Variants in MED13L observed in about 807,000 individuals in gnomAD.
MED13L encodes the protein mediator complex subunit 13L, also known as mediator of RNA polymerase II transcription subunit 13-like.
MED13L carries 7 observed loss-of-function variants against 220.9 expected under a neutral mutation model. That is an observed-to-expected ratio of 0.03 (90% confidence interval 0.02 to 0.06). The LOEUF (loss-of-function observed/expected upper bound fraction) is 0.06, where lower values mean the gene tolerates loss of function less well. Ranked by LOEUF, MED13L falls within the 10% of genes least tolerant of loss-of-function variation. The probability of loss-of-function intolerance (pLI) is 1.00; values close to 1 mark genes in which losing one functional copy is unlikely to be tolerated. For synonymous variants in MED13L, 1,011 were observed against 1,015.2 expected (o/e 1.00, Z 0.08); for missense variants, 1,965 against 2,760.5 (o/e 0.71, Z 6.46).
chr12:116,066,631 C>T (rs1165042738), intron 4 of MED13L, among the ~76,000 whole-genome samples: 3 of 152,012 alleles, frequency 2.0e-5, no homozygotes, highest in Non-Finnish European at 4.4e-5. Flanking sequence ...GTATGAGAAT[C>T]CTGTAACACT....
intron 2 of MED13L, among the ~76,000 whole-genome samples, chr12:116,229,377 A>C (rs374126910): frequency 6.6e-6 from 1 of 152,238 alleles, no homozygotes; most frequent in Non-Finnish European, 1.5e-5. Flanking sequence ...AGGTGATTTC[A>C]TATCAACGCA....
Position 116,007,645 on chromosome 12 carries a change from CAAAAAAAAAAAA to C in MED13L, c.2013-21_2013-10del. 4 of 759,922 alleles carry C rather than the reference CAAAAAAAAAAAA, an allele frequency of 5.3e-6. No homozygotes were observed. Among genetic ancestry groups the C allele is most frequent in the Middle Eastern group, 8.6e-4 (2 of 2,314 alleles). The allele number at this position is 759,922 out of a possible 1,614,324, so 47.1% of individuals were successfully genotyped here. On this transcript the variant is annotated splice_polypyrimidine_tract_variant and intron_variant, in intron 10 of 30. Coordinates refer to ENST00000281928, the MANE Select transcript of MED13L (RefSeq NM_015335.5). ...TAGGTTGTGCTAAGAGTCTAAAAGA[CAAAAAAAAAAAA>C]AAAAAAAAGAGCATTTATGCCTTAA... is the stretch of plus-strand genomic sequence containing the variant.
At chr12:116,111,991 C>G (rs1362834416) in intron 2 of MED13L, among the ~76,000 whole-genome samples, 1 of 152,120 alleles carries the variant, frequency 6.6e-6, no homozygotes, top group East Asian at 1.9e-4. Context: ...TTTTGAAGGT[C>G]TAAAGGACAT....
At position 116,008,502 on chromosome 12, in the gene MED13L, A is replaced by G. The variant is rs1484395273; in HGVS notation, c.1911T>C (p.Arg637=). Reference sequence around the variant, plus strand: ...ACTCAGCATCATCACTGGGTGGGAGACGATAACTATGCCACCACTTTTCTG... The same window carrying G: ...ACTCAGCATCATCACTGGGTGGGAGGCGATAACTATGCCACCACTTTTCTG... ...ESSEKWWHSY[R]LPPSDDAEFR... is the part of the protein sequence containing the mutation. The change falls in exon 10 of 31, where the codon CGT becomes CGC. Residue 637 remains arginine, a synonymous_variant. Coordinates refer to ENST00000281928, the MANE Select transcript of MED13L (RefSeq NM_015335.5). 14 of 1,613,638 alleles carry G rather than the reference A, an allele frequency of 8.7e-6. No homozygotes were observed. Among genetic ancestry groups the G allele is most frequent in the Non-Finnish European group, 1.2e-5 (14 of 1,179,990 alleles).
intron 2 of MED13L, among the ~76,000 whole-genome samples, chr12:116,113,036 A>C (rs1874212371): frequency 1.3e-5 from 2 of 152,368 alleles, no homozygotes; most frequent in Admixed American, 1.3e-4. Flanking sequence ...GAGCTCCTTT[A>C]AACTTATTGA....
intron 2 of MED13L, among the ~76,000 whole-genome samples, chr12:116,122,530 G>T (rs1875191378): frequency 6.6e-6 from 1 of 152,166 alleles, no homozygotes. Flanking sequence ...ACAAATCTAT[G>T]TTGGAAATGG....
chr12:116,053,590 T>A (rs1013105227), intron 4 of MED13L, among the ~76,000 whole-genome samples: 2 of 152,106 alleles, frequency 1.3e-5, no homozygotes, highest in Non-Finnish European at 2.9e-5. Context: ...TCACAACAAC[T>A]CTAAGGTAGG....
intron 4 of MED13L, among the ~76,000 whole-genome samples, chr12:116,031,675 A>AAAAAGAAAAGAAAAGAAAAGAAAAG (rs1173196797): frequency 1.5e-4 from 10 of 68,138 alleles, no homozygotes; most frequent in Admixed American, 3.4e-4. Flanking sequence ...GGAGAAAAGA[A>AAAAAGAAAAGAAAAGAAAAGAAAAG]AAAAGAAAAG....
intron 2 of MED13L, among the ~76,000 whole-genome samples, chr12:116,145,460 A>G (rs1309207376): frequency 6.6e-6 from 1 of 152,092 alleles, no homozygotes; most frequent in Non-Finnish European, 1.5e-5. Context: ...GTTAAAATAA[A>G]TGGCATACAG....
At chr12:116,258,361 A>C (rs1340493794) in intron 1 of MED13L, among the ~76,000 whole-genome samples, 1 of 152,364 alleles carries the variant, frequency 6.6e-6, no homozygotes, top group East Asian at 1.9e-4. Context: ...CTGGTAGTTA[A>C]GCAGTGCACG....
chr12:116,124,332 C>G (rs1875394060), intron 2 of MED13L, among the ~76,000 whole-genome samples: 2 of 152,294 alleles, frequency 1.3e-5, no homozygotes, highest in Admixed American at 1.3e-4. Context: ...AAGACTCTTA[C>G]AGAAATTCAT....
At chr12:116,263,386 T>C (rs1317917125) in intron 1 of MED13L, among the ~76,000 whole-genome samples, 1 of 152,130 alleles carries the variant, frequency 6.6e-6, no homozygotes, top group Admixed American at 6.5e-5. Flanking sequence ...AAAACAGAAA[T>C]AATACTTGCC....
In MED13L at chr12:116,132,005, G is replaced by A. The variant is rs1876109789; in HGVS notation, c.311-20493C>T. ...CTCAAAAAAAAGAAAAACGCCAGGT[G>A]CGGTGGCTCATGCCTGTAATCCCAA... is the stretch of plus-strand genomic sequence containing the variant. On this transcript the variant is annotated intron_variant, in intron 2 of 30. Transcript: ENST00000281928. Among the ~76,000 whole-genome samples, 3 of 151,924 alleles carry A rather than the reference G, an allele frequency of 2.0e-5. No homozygotes were observed. In the South Asian group the frequency reaches 6.2e-4, roughly 32 times the overall value.
intron 23 of MED13L, among the ~76,000 whole-genome samples, chr12:115,976,730 A>T (rs193031083): frequency 6.6e-6 from 1 of 152,324 alleles, no homozygotes; most frequent in South Asian, 2.1e-4. Context: ...TTTAATTGTC[A>T]TATTTTTTAC....
At chr12:116,206,260 T>C (rs2138332036) in intron 2 of MED13L, among the ~76,000 whole-genome samples, 1 of 152,090 alleles carries the variant, frequency 6.6e-6, no homozygotes, top group South Asian at 2.1e-4. Flanking sequence ...TCTGTATTTT[T>C]AGTAGAGACG....
intron 2 of MED13L, among the ~76,000 whole-genome samples, chr12:116,143,130 T>C (rs1197085560): frequency 6.6e-6 from 1 of 152,162 alleles, no homozygotes; most frequent in Non-Finnish European, 1.5e-5. Flanking sequence ...CCAGATTTGG[T>C]TTATTTTCTT....
chr12:116,167,681 G>A (rs1183357327), intron 2 of MED13L, among the ~76,000 whole-genome samples: 1 of 152,166 alleles, frequency 6.6e-6, no homozygotes, highest in Non-Finnish European at 1.5e-5. Flanking sequence ...AGCCATTTAA[G>A]TTTAGCTACC....
chr12:116,277,613 C>T lies in MED13L; in HGVS notation c.-482G>A, dbSNP rs1350689764. ...GCAGCCGAGCGACGTCCCCTCCTTC[C>T]TCTTCCTCCCCCACCCCCCCCTCCT... On this transcript the variant is annotated 5_prime_UTR_variant, in exon 1 of 31. Transcript: ENST00000281928. 3.3e-5 allele frequency among the ~76,000 whole-genome samples: 5 copies of T among 149,564 alleles called. No individual in the cohort carries two copies. The highest frequency in any genetic ancestry group is 6.6e-5 in the Admixed American group (1 of 15,070).
At chr12:116,263,630 G>GT (rs1872647799) in intron 1 of MED13L, among the ~76,000 whole-genome samples, 1 of 152,136 alleles carries the variant, frequency 6.6e-6, no homozygotes, top group Non-Finnish European at 1.5e-5. Context: ...GTGGTCAAAG[G>GT]TAAGAAGTTG....
Sources: gnomAD v4.1 joint callset for allele counts (sites outside exome capture counted in the v4.1 genomes callset) on GRCh38, gnomAD v4.1.1 for gene constraint, MANE v1.5 for transcripts, NCBI Gene and HGNC (gene_info 2026-07-23, HGNC 2026-07-21) for gene names.